EYS: variants seen among roughly 807,000 people sequenced by gnomAD.
EYS encodes the protein protein eyes shut homolog.
EYS carries 250 observed loss-of-function variants against 282.1 expected under a neutral mutation model. That is an observed-to-expected ratio of 0.89 (90% confidence interval 0.80 to 0.98). The LOEUF (loss-of-function observed/expected upper bound fraction) is 0.98, where lower values mean the gene tolerates loss of function less well. Ranked by LOEUF, EYS falls within the 50% of genes least tolerant of loss-of-function variation. The probability of loss-of-function intolerance (pLI) is 0.00; values close to 1 mark genes in which losing one functional copy is unlikely to be tolerated. For missense variants in EYS, 4,016 were observed against 3,709.0 expected, an observed-to-expected ratio of 1.08 and a Z score of -2.15; for synonymous variants, 1,355 against 1,282.9, an observed-to-expected ratio of 1.06 and a Z score of -1.20.
intron 2 of EYS, among the ~76,000 whole-genome samples, chr6:65,615,612 G>A (rs1180696933): frequency 1.3e-5 from 2 of 151,862 alleles, no homozygotes; most frequent in Admixed American, 6.6e-5. Flanking sequence ...GCATCTACAC[G>A]AATACTTCTC....
intron 22 of EYS, among the ~76,000 whole-genome samples, chr6:64,717,670 T>C (rs1352428843): frequency 6.6e-6 from 1 of 152,188 alleles, no homozygotes; most frequent in Non-Finnish European, 1.5e-5. Context: ...GAGTTTTTCC[T>C]GCTTACTTCA....
At position 65,681,228 on chromosome 6, in the gene EYS, A is replaced by G. The variant is rs149962085; in HGVS notation, c.-448+25907T>C. Among the ~76,000 whole-genome samples, 524 of 151,936 alleles carry G rather than the reference A, an allele frequency of 3.4e-3. 2 individuals carry two copies. The highest frequency in any genetic ancestry group is 0.012 in the African/African-American group (484 of 41,480). ...GCCACCAGTGATCATTTTAACCTTC[A>G]GCCCCAACTCATCCCTAGAGCCTTG... On this transcript the variant is annotated intron_variant, in intron 1 of 42. Transcript: ENST00000503581.
chr6:64,404,124 A>C (rs1402327054), intron 28 of EYS, among the ~76,000 whole-genome samples: 1 of 152,144 alleles, frequency 6.6e-6, no homozygotes, highest in Non-Finnish European at 1.5e-5. Flanking sequence ...AGTTTGATAA[A>C]GCTCAATATT....
chr6:65,520,232 C>T (rs765962541), intron 2 of EYS, among the ~76,000 whole-genome samples: 2 of 151,938 alleles, frequency 1.3e-5, no homozygotes, highest in Admixed American at 6.6e-5. Flanking sequence ...CTGAATTTGG[C>T]CACTGTACTT....
intron 22 of EYS, among the ~76,000 whole-genome samples, chr6:64,766,626 C>T (rs1365361955): frequency 7.2e-4 from 13 of 18,178 alleles, no homozygotes; most frequent in African/African-American, 1.6e-3. Flanking sequence ...AGTGAAACTC[C>T]GTCTCAAAAA....
At chr6:63,868,300 T>A (rs1772716904) in intron 35 of EYS, among the ~76,000 whole-genome samples, 1 of 152,094 alleles carries the variant, frequency 6.6e-6, no homozygotes, top group South Asian at 2.1e-4. Flanking sequence ...GTCATTTCTA[T>A]GAGTATTAAA....
chr6:64,139,516 T>C (rs1050673275), intron 31 of EYS, among the ~76,000 whole-genome samples: 1 of 152,136 alleles, frequency 6.6e-6, no homozygotes, highest in Non-Finnish European at 1.5e-5. Flanking sequence ...AGAAAGTGAT[T>C]TCTGATCTTG....
intron 35 of EYS, among the ~76,000 whole-genome samples, chr6:63,938,578 T>G (rs1474568482): frequency 6.6e-6 from 1 of 152,248 alleles, no homozygotes; most frequent in East Asian, 1.9e-4. Flanking sequence ...GTGGTTTAAT[T>G]CTCTTGGTTG....
chr6:64,341,531 A>G (rs11967861), intron 29 of EYS, among the ~76,000 whole-genome samples: 4,703 of 151,758 alleles, frequency 0.031, 224 homozygotes, highest in African/African-American at 0.11. Flanking sequence ...AACAGGCGCT[A>G]TGGACTACTA....
intron 36 of EYS, among the ~76,000 whole-genome samples, chr6:63,861,027 T>C (rs751156322): frequency 1.2e-4 from 19 of 152,236 alleles, no homozygotes; most frequent in Non-Finnish European, 2.2e-4. Flanking sequence ...CCCTGGATTA[T>C]ACCTTTAGTC....
intron 1 of EYS, among the ~76,000 whole-genome samples, chr6:65,693,418 T>C (rs1441798368): frequency 3.4e-5 from 5 of 147,312 alleles, no homozygotes; most frequent in African/African-American, 4.9e-5. Context: ...TTTTTTTTTT[T>C]TTTTTTAAGT....
chr6:64,894,548 A>T (rs1004299663), intron 18 of EYS, among the ~76,000 whole-genome samples: 5 of 152,120 alleles, frequency 3.3e-5, no homozygotes, highest in African/African-American at 1.2e-4. Flanking sequence ...CTTTGTAGGG[A>T]TTCTCTGCCT....
At chr6:65,275,530 T>A (rs1450221303) in intron 12 of EYS, among the ~76,000 whole-genome samples, 2 of 152,166 alleles carry the variant, frequency 1.3e-5, no homozygotes, top group Non-Finnish European at 2.9e-5. Flanking sequence ...TGAGCCTGCA[T>A]CTATGGCTTC....
At chr6:64,548,692 G>T (rs982656567) in intron 26 of EYS, among the ~76,000 whole-genome samples, 1 of 152,104 alleles carries the variant, frequency 6.6e-6, no homozygotes, top group Admixed American at 6.6e-5. Context: ...GTGTGGGGAG[G>T]GGGGAGGAGT....
intron 35 of EYS, among the ~76,000 whole-genome samples, chr6:63,887,256 A>G (rs1380221352): frequency 1.3e-5 from 2 of 151,814 alleles, no homozygotes; most frequent in African/African-American, 2.4e-5. Context: ...TATCCAGACC[A>G]TTAAGTGACT....
chr6:63,742,333 T>A (rs1443139889), intron 41 of EYS, among the ~76,000 whole-genome samples: 2 of 152,190 alleles, frequency 1.3e-5, no homozygotes, highest in Non-Finnish European at 2.9e-5. Context: ...ACAGCCAGCC[T>A]CTTGGCTTTA....
intron 2 of EYS, among the ~76,000 whole-genome samples, chr6:65,542,684 C>G (rs951598631): frequency 2.6e-5 from 4 of 151,980 alleles, no homozygotes; most frequent in Non-Finnish European, 5.9e-5. Context: ...AGGGATGGCT[C>G]AAAGATGATT....
At chr6:65,164,926 A>G (rs567220879) in intron 12 of EYS, among the ~76,000 whole-genome samples, 3 of 151,326 alleles carry the variant, frequency 2.0e-5, no homozygotes, top group Admixed American at 6.6e-5. Context: ...ACTCATTTCA[A>G]TTAGGGGCCA....
intron 22 of EYS, among the ~76,000 whole-genome samples, chr6:64,808,727 C>T (rs1025665023): frequency 1.3e-5 from 2 of 151,946 alleles, no homozygotes; most frequent in African/African-American, 4.8e-5. Context: ...AAGAATCTAC[C>T]TATCTTTCAA....
Sources: gnomAD v4.1 joint callset for allele counts (sites outside exome capture counted in the v4.1 genomes callset) on GRCh38, gnomAD v4.1.1 for gene constraint, MANE v1.5 for transcripts, NCBI Gene and HGNC (gene_info 2026-07-23, HGNC 2026-07-21) for gene names.